The following MAGI2 variants were observed in gnomAD, a reference collection of about 807,000 sequenced individuals.
MAGI2 encodes the protein membrane-associated guanylate kinase, WW and PDZ domain-containing protein 2.
MAGI2 carries 35 observed loss-of-function variants against 133.3 expected under a neutral mutation model. The ratio of observed to expected loss-of-function variants is 0.26; its 90% CI spans 0.20 to 0.35. MAGI2 has a LOEUF of 0.35. Among genes scored for constraint, MAGI2 ranks in the 10% least tolerant of loss-of-function variants. MAGI2 has a pLI of 1.00. For missense variants in MAGI2, 1,636 were observed against 1,863.4 expected (o/e 0.88, Z 2.25); for synonymous variants, 729 against 710.6 (o/e 1.03, Z -0.41).
chr7:78,396,061 T>C (rs1796317033), intron 6 of MAGI2, among the ~76,000 whole-genome samples: 2 of 152,182 alleles, frequency 1.3e-5, no homozygotes, highest in Non-Finnish European at 2.9e-5. Context: ...GGGAACATAG[T>C]AGGCACTCAA....
chr7:78,316,785 C>A (rs1376731050), intron 9 of MAGI2, among the ~76,000 whole-genome samples: 1 of 152,152 alleles, frequency 6.6e-6, no homozygotes, highest in Admixed American at 6.5e-5. Context: ...AAATACTGTT[C>A]AATCCTTACA....
intron 2 of MAGI2, among the ~76,000 whole-genome samples, chr7:78,983,255 A>G (rs1409550165): frequency 6.6e-6 from 1 of 152,000 alleles, no homozygotes; most frequent in Non-Finnish European, 1.5e-5. Context: ...GTACAAAAGG[A>G]AAAGTGTCAG....
intron 1 of MAGI2, among the ~76,000 whole-genome samples, chr7:79,146,564 A>T (rs1023044558): frequency 6.6e-6 from 1 of 152,194 alleles, no homozygotes; most frequent in Non-Finnish European, 1.5e-5. Flanking sequence ...TAACTGAATC[A>T]TGTAGGTGGT....
chr7:78,895,143 A>G (rs970923662), intron 2 of MAGI2, among the ~76,000 whole-genome samples: 1 of 152,150 alleles, frequency 6.6e-6, no homozygotes, highest in Non-Finnish European at 1.5e-5. Context: ...GGACTATCAC[A>G]GGAACAGGTT....
chr7:78,343,713 C>T, intron 9 of MAGI2, 65 bp downstream of exon 9: 2 of 1,252,506 alleles, frequency 1.6e-6, no homozygotes, highest in Non-Finnish European at 1.1e-6. Context: ...AAAAGAAGCT[C>T]CTTATATTTG....
chr7:79,312,634 T>C (rs543344495), intron 1 of MAGI2, among the ~76,000 whole-genome samples: 15 of 152,300 alleles, frequency 9.8e-5, no homozygotes, highest in African/African-American at 3.4e-4. Context: ...CCTCTCTCTC[T>C]CTCTCAAAAT....
chr7:78,677,876 G>C, intron 2 of MAGI2, among the ~76,000 whole-genome samples: 1 of 152,066 alleles, frequency 6.6e-6, no homozygotes, highest in East Asian at 1.9e-4. Flanking sequence ...TACAGCGTCT[G>C]GGGGAGCTGT....
intron 2 of MAGI2, among the ~76,000 whole-genome samples, chr7:78,860,083 G>A (rs1794024284): frequency 6.6e-6 from 1 of 152,130 alleles, no homozygotes; most frequent in African/African-American, 2.4e-5. Context: ...ATGGTTTTCA[G>A]CTCCATCAGG....
At chr7:79,162,000 TAA>T (rs1562952835) in intron 1 of MAGI2, among the ~76,000 whole-genome samples, 1 of 151,988 alleles carries the variant, frequency 6.6e-6, no homozygotes, top group Non-Finnish European at 1.5e-5. Context: ...GCAAGCATAA[TAA>T]GCCTAAAACT....
Position 78,084,840 on chromosome 7 carries a change from G to A in MAGI2, c.3568-5755C>T, listed in dbSNP as rs149006763. Among the ~76,000 whole-genome samples the A allele has an allele frequency of 3.5e-4, 54 of 152,296 alleles. 1 individual carries two copies. In the East Asian group the frequency reaches 9.3e-3, roughly 26 times the overall value. The stretch of plus-strand genomic sequence containing the variant: ...AGGACAGGCTGATTTCCAACTTGAT[G>A]GTGATCTTTAATATCTACTGGCTGT... On this transcript the variant is annotated intron_variant, in intron 20 of 21. Transcript: ENST00000354212.
intron 9 of MAGI2, among the ~76,000 whole-genome samples, chr7:78,308,332 A>G (rs1313300444): frequency 6.6e-6 from 1 of 152,210 alleles, no homozygotes; most frequent in Non-Finnish European, 1.5e-5. Flanking sequence ...GACACTAGGA[A>G]GAGAGACCAA....
chr7:78,846,873 T>C (rs1297064566), intron 2 of MAGI2, among the ~76,000 whole-genome samples: 6 of 151,926 alleles, frequency 3.9e-5, no homozygotes, highest in Non-Finnish European at 1.5e-5. Context: ...TTAAAAGCTT[T>C]TCCTTTTATT....
intron 9 of MAGI2, among the ~76,000 whole-genome samples, chr7:78,258,640 T>G (rs1053017393): frequency 6.6e-6 from 1 of 152,202 alleles, no homozygotes; most frequent in African/African-American, 2.4e-5. Flanking sequence ...AATCTCTAAA[T>G]AATAATAATC....
intron 10 of MAGI2, among the ~76,000 whole-genome samples, chr7:78,218,665 A>G (rs934264752): frequency 9.2e-5 from 14 of 152,224 alleles, no homozygotes; most frequent in Non-Finnish European, 2.1e-4. Context: ...TTGAAAAAGT[A>G]TGAGCCACCT....
intron 1 of MAGI2, among the ~76,000 whole-genome samples, chr7:79,300,620 G>T (rs992812206): frequency 3.3e-5 from 5 of 152,154 alleles, no homozygotes; most frequent in African/African-American, 9.7e-5. Flanking sequence ...TTGCAGCCTG[G>T]TCATGTATCA....
At chr7:78,899,793 A>T (rs1337325988) in intron 2 of MAGI2, among the ~76,000 whole-genome samples, 1 of 152,172 alleles carries the variant, frequency 6.6e-6, no homozygotes, top group African/African-American at 2.4e-5. Flanking sequence ...GTTAGCCATT[A>T]CTACCAGTAA....
chr7:79,364,476 T>G (rs978136605), intron 1 of MAGI2, among the ~76,000 whole-genome samples: 4 of 152,058 alleles, frequency 2.6e-5, no homozygotes, highest in Admixed American at 1.3e-4. Context: ...CGACTTTATT[T>G]TTACATACAA....
intron 2 of MAGI2, among the ~76,000 whole-genome samples, chr7:78,799,923 A>G (rs1787922605): frequency 6.6e-6 from 1 of 152,204 alleles, no homozygotes; most frequent in Non-Finnish European, 1.5e-5. Context: ...AGTGATGGAA[A>G]GCAGCATTTC....
At chr7:78,581,929 TA>T (rs1802878769) in intron 3 of MAGI2, among the ~76,000 whole-genome samples, 2 of 152,158 alleles carry the variant, frequency 1.3e-5, no homozygotes, top group Admixed American at 1.3e-4. Context: ...CCTTCAGAAG[TA>T]AGGACATTCC....
Sources: allele counts gnomAD v4.1 joint callset (sites outside exome capture counted in the v4.1 genomes callset), GRCh38; gene constraint gnomAD v4.1.1; transcripts MANE v1.5; gene names NCBI Gene and HGNC (gene_info 2026-07-23, HGNC 2026-07-21).